Variants in FBXO31 observed in about 807,000 individuals in gnomAD.
The protein encoded by FBXO31 is F-box only protein 31.
Under a neutral mutation model 54.4 loss-of-function variants are expected in FBXO31, and 24 were observed. The ratio of observed to expected loss-of-function variants is 0.44; its 90% CI spans 0.32 to 0.62. FBXO31 has a LOEUF of 0.62. Among genes scored for constraint, FBXO31 ranks in the 20% least tolerant of loss-of-function variants. The probability of loss-of-function intolerance (pLI) is 0.05; values close to 1 mark genes in which losing one functional copy is unlikely to be tolerated. For missense variants in FBXO31, 665 were observed against 787.1 expected (o/e 0.84, Z 1.86); for synonymous variants, 388 against 335.6 (o/e 1.16, Z -1.71).
intron 8 of FBXO31, among the ~76,000 whole-genome samples, chr16:87,333,265 G>A (rs1904926140): frequency 2.0e-5 from 3 of 152,222 alleles, no homozygotes; most frequent in Admixed American, 1.3e-4. Flanking sequence ...CAGTGGCAGC[G>A]GCAATGCCAG....
intron 5 of FBXO31, 131 bp downstream of exon 5, chr16:87,342,744 CGG>C: frequency 1.4e-6 from 1 of 722,026 alleles, no homozygotes; most frequent in Non-Finnish European, 2.2e-6. Flanking sequence ...CTGACAATAC[CGG>C]CTGAACCATG....
At chr16:87,375,804 C>A (rs1048280240) in intron 1 of FBXO31, among the ~76,000 whole-genome samples, 1 of 152,114 alleles carries the variant, frequency 6.6e-6, no homozygotes, top group East Asian at 1.9e-4. Context: ...TCTGCCTGCC[C>A]CAACATCAGA....
chr16:87,391,105 C>G (rs1414684322), upstream of FBXO31, among the ~76,000 whole-genome samples: 3 of 152,158 alleles, frequency 2.0e-5, no homozygotes, highest in Non-Finnish European at 4.4e-5. Flanking sequence ...AATCCCAACT[C>G]TTAAGGAGGC....
chr16:87,356,239 AAAAAG>A (rs1274746734), intron 2 of FBXO31, among the ~76,000 whole-genome samples: 1 of 151,770 alleles, frequency 6.6e-6, no homozygotes, highest in Non-Finnish European at 1.5e-5. Flanking sequence ...AAAAAAAAAA[AAAAAG>A]AAAAGAAAGA....
rs890487276 is a variant in FBXO31 at position 87,330,276 on chromosome 16, T to C, written c.*1012A>G. 3.3e-5 allele frequency: 5 copies of C among 152,280 alleles called. No individual in the cohort carries two copies. The highest frequency in any genetic ancestry group is 1.2e-4 in the African/African-American group (5 of 41,460). The allele number at this position is 152,280 out of a possible 1,614,324, so 9.4% of individuals were successfully genotyped here. A position where few individuals can be genotyped will look rare whatever the true frequency, so the allele number is the denominator to read the frequency against. ...GGCTGGAGGGTCCCACTTTCCAAAGTGTGTCCCCAGATGCAGGTGTGGCTT... is the reference window on the plus strand; with the variant it reads ...GGCTGGAGGGTCCCACTTTCCAAAGCGTGTCCCCAGATGCAGGTGTGGCTT... On this transcript the variant is annotated 3_prime_UTR_variant, in exon 9 of 9. Transcript: ENST00000311635.
chr16:87,386,703 G>C (rs926864681), upstream of FBXO31, among the ~76,000 whole-genome samples: 24 of 152,312 alleles, frequency 1.6e-4, no homozygotes, highest in African/African-American at 5.1e-4. Flanking sequence ...CAAAGTGCTA[G>C]GATTACAGGC....
intron 1 of FBXO31, among the ~76,000 whole-genome samples, chr16:87,372,200 G>C (rs1453321755): frequency 6.6e-6 from 1 of 152,126 alleles, no homozygotes; most frequent in African/African-American, 2.4e-5. Flanking sequence ...CTGCAGTCTA[G>C]GCAACAGAGT....
chr16:87,374,564 A>T (rs1185679235), intron 1 of FBXO31, among the ~76,000 whole-genome samples: 2 of 152,224 alleles, frequency 1.3e-5, no homozygotes, highest in African/African-American at 4.8e-5. Flanking sequence ...GGAAAAGGGT[A>T]TTTCTAGCGA....
chr16:87,380,135 T>C (rs1907010622), intron 1 of FBXO31, among the ~76,000 whole-genome samples: 1 of 150,912 alleles, frequency 6.6e-6, no homozygotes, highest in Non-Finnish European at 1.5e-5. Context: ...CCGTCTCTAC[T>C]AAAAATACAA....
At chr16:87,356,430 G>A (rs956799253) in intron 2 of FBXO31, among the ~76,000 whole-genome samples, 3 of 151,798 alleles carry the variant, frequency 2.0e-5, no homozygotes, top group Non-Finnish European at 4.4e-5. Flanking sequence ...TTTCCACCTC[G>A]GCCCCTTCCA....
chr16:87,383,566 G>C lies in FBXO31; in HGVS notation c.179C>G (p.Pro60Arg), dbSNP rs759034292. ...CAGCAGCGAGCAGCGCGGGGGCGGC[G>C]GCGAGGGGCCCGCGCACAAGCCGCC... The part of the protein sequence containing the change: ...VGGGLCAGPS[P>R]PPPRCSLLEL... Residue 60 changes from proline (P) to arginine (R), a missense_variant, in exon 1 of 9, where the codon CCG becomes CGG. Transcript: ENST00000311635. This position sits in a 1 kb window ranked among gnomAD's most constrained non-coding sequence, Gnocchi z 4.9. The C allele has an allele frequency of 2.6e-6, 4 of 1,525,542 alleles. No homozygotes were observed. The highest frequency in any genetic ancestry group is 3.5e-6 in the Non-Finnish European group (4 of 1,142,238). 94.5% of individuals were successfully genotyped at this position (1,525,542 alleles called of 1,614,324 possible).
chr16:87,373,656 C>T (rs1406908103), intron 1 of FBXO31, among the ~76,000 whole-genome samples: 2 of 151,904 alleles, frequency 1.3e-5, no homozygotes, highest in African/African-American at 2.4e-5. Context: ...CCTCAGCCTC[C>T]GGAGGAACTG....
chr16:87,350,086 G>C (rs1054657317), intron 2 of FBXO31, among the ~76,000 whole-genome samples: 1 of 152,104 alleles, frequency 6.6e-6, no homozygotes, highest in Non-Finnish European at 1.5e-5. Flanking sequence ...ATCTGCTTGA[G>C]TGAGCATGTG....
chr16:87,350,369 C>T (rs1905598548), intron 2 of FBXO31, among the ~76,000 whole-genome samples: 1 of 152,158 alleles, frequency 6.6e-6, no homozygotes, highest in Non-Finnish European at 1.5e-5. Context: ...TAAATGAGCC[C>T]CGGCTGTGTG....
upstream of FBXO31, chr16:87,392,059 T>C (rs1907581692): frequency 9.7e-6 from 2 of 205,654 alleles, no homozygotes; most frequent in Non-Finnish European, 1.9e-5. Context: ...AGACCCGGGG[T>C]GCGGCCCAGC....
At chr16:87,377,352 G>A (rs1906867997) in intron 1 of FBXO31, among the ~76,000 whole-genome samples, 3 of 152,136 alleles carry the variant, frequency 2.0e-5, no homozygotes, top group Admixed American at 6.6e-5. Flanking sequence ...AGGCTGAGGT[G>A]GGAGGATCAT....
At chr16:87,366,827 C>G (rs779749645) in intron 1 of FBXO31, among the ~76,000 whole-genome samples, 6 of 152,054 alleles carry the variant, frequency 3.9e-5, no homozygotes, top group Admixed American at 2.0e-4. Context: ...GCACACACAT[C>G]TAGGGGTAGA....
intron 2 of FBXO31, among the ~76,000 whole-genome samples, chr16:87,360,074 A>G (rs115568905): frequency 0.017 from 2,554 of 152,334 alleles, 62 homozygotes; most frequent in African/African-American, 0.057. Flanking sequence ...GATGCCTGGT[A>G]AAAGACACTA....
In FBXO31 at chr16:87,360,376, G is replaced by A; in HGVS notation, c.341-10C>T. The A allele has an allele frequency of 5.0e-6, 8 of 1,613,566 alleles. No individual in the cohort carries two copies. Among genetic ancestry groups the A allele is most frequent in the South Asian group, 1.1e-5 (1 of 91,080 alleles). On this transcript the variant is annotated splice_polypyrimidine_tract_variant and intron_variant, in intron 1 of 8. Transcript: ENST00000311635. The stretch of plus-strand genomic sequence containing the variant: ...TCGCAAACACCATACTCTGTAACAA[G>A]AAACATTTGCAGAAATTTAAGATCA...
Sources: gnomAD v4.1 joint callset for allele counts (sites outside exome capture counted in the v4.1 genomes callset) on GRCh38, gnomAD v4.1.1 for gene constraint, Gnocchi (gnomAD v3.1) non-coding constraint, MANE v1.5 for transcripts, NCBI Gene and HGNC (gene_info 2026-07-23, HGNC 2026-07-21) for gene names.